SLC22A25: variants seen among roughly 807,000 people sequenced by gnomAD.
SLC22A25 encodes the protein solute carrier family 22 member 25.
A neutral mutation model predicts 45.9 loss-of-function variants in SLC22A25; 44 were observed. The observed-to-expected ratio is 0.96, with a 90% CI of 0.75 to 1.23. The LOEUF (loss-of-function observed/expected upper bound fraction) is 1.23. Ranked by LOEUF, SLC22A25 falls within the 50% of genes most tolerant of loss-of-function variation. SLC22A25 has a pLI of 0.00. For missense variants in SLC22A25, 800 were observed against 666.4 expected, an observed-to-expected ratio of 1.20 and a Z score of -2.21; for synonymous variants, 283 against 238.6, an observed-to-expected ratio of 1.19 and a Z score of -1.72.
intron 5 of SLC22A25, among the ~76,000 whole-genome samples, chr11:63,221,232 T>C (rs185246312): frequency 1.8e-4 from 27 of 152,252 alleles, no homozygotes; most frequent in Admixed American, 7.9e-4. Context: ...TACTAAGTTA[T>C]ATTCCCACCA....
At chr11:63,171,569 G>T (rs1565064756) in intron 9 of SLC22A25, among the ~76,000 whole-genome samples, 1 of 152,116 alleles carries the variant, frequency 6.6e-6, no homozygotes, top group African/African-American at 2.4e-5. Flanking sequence ...TTGCTACAAA[G>T]AAAATAAAAT....
intron 7 of SLC22A25, among the ~76,000 whole-genome samples, chr11:63,205,066 G>A (rs1424402049): frequency 6.6e-6 from 1 of 152,140 alleles, no homozygotes; most frequent in Middle Eastern, 3.2e-3. Flanking sequence ...TGACTATTGG[G>A]TAAATAACAA....
intron 5 of SLC22A25, among the ~76,000 whole-genome samples, chr11:63,227,058 G>C (rs183112487): frequency 1.3e-5 from 2 of 152,256 alleles, no homozygotes; most frequent in Non-Finnish European, 2.9e-5. Context: ...ATCTGGCCCA[G>C]AGTAGGTCTA....
At chr11:63,169,828 C>A (rs1029572912) in intron 9 of SLC22A25, among the ~76,000 whole-genome samples, 3 of 152,178 alleles carry the variant, frequency 2.0e-5, no homozygotes, top group Admixed American at 1.3e-4. Context: ...TAGACATCTA[C>A]AGAACTCTCT....
In SLC22A25 at chr11:63,198,473, G is replaced by A. The variant is rs181033593; in HGVS notation, c.831-14656C>T. ...CTCTGAGCAAACTGTTACAAGGACA[G>A]AAAACCAAACACCACATGGTCTCAC... On this transcript the variant is annotated intron_variant, in intron 7 of 11. Coordinates refer to ENST00000306494, the MANE Select transcript of SLC22A25 (RefSeq NM_199352.6). Among the ~76,000 whole-genome samples the A allele has an allele frequency of 7.2e-3, 1,097 of 152,258 alleles. 9 individuals are homozygous for A. Among genetic ancestry groups the A allele is most frequent in the African/African-American group, 0.024 (1,007 of 41,558 alleles).
chr11:63,221,923 G>A (rs1295299669), intron 5 of SLC22A25, among the ~76,000 whole-genome samples: 1 of 152,016 alleles, frequency 6.6e-6, no homozygotes, highest in African/African-American at 2.4e-5. Flanking sequence ...CACCTTTGTT[G>A]ATGATGAGTT....
Position 63,166,271 on chromosome 11 carries a change from C to T in SLC22A25, c.1071-13G>A. 1 of 1,612,836 alleles carries T rather than the reference C, an allele frequency of 6.2e-7. No homozygotes were observed. Among genetic ancestry groups the T allele is most frequent in the Non-Finnish European group, 8.5e-7 (1 of 1,179,560 alleles). On this transcript the variant is annotated splice_polypyrimidine_tract_variant and intron_variant, in intron 9 of 11. Coordinates refer to ENST00000306494, the MANE Select transcript of SLC22A25 (RefSeq NM_199352.6). ...GGTACTTGCAAATCTGCAGGGAACA[C>T]AGAAAAAGGCACATATTATAATCTG...
intron 9 of SLC22A25, among the ~76,000 whole-genome samples, chr11:63,168,965 A>C (rs2087781716): frequency 6.6e-6 from 1 of 152,196 alleles, no homozygotes; most frequent in African/African-American, 2.4e-5. Flanking sequence ...CTAACAGTGG[A>C]TCTCTCTGCA....
At chr11:63,187,039 G>T (rs1246411158) in intron 7 of SLC22A25, among the ~76,000 whole-genome samples, 1 of 152,024 alleles carries the variant, frequency 6.6e-6, no homozygotes, top group African/African-American at 2.4e-5. Flanking sequence ...CTCTTTTTTG[G>T]TTCCATATGA....
At chr11:63,201,078 C>T (rs916368849) in intron 7 of SLC22A25, among the ~76,000 whole-genome samples, 1 of 152,032 alleles carries the variant, frequency 6.6e-6, no homozygotes, top group Admixed American at 6.6e-5. Flanking sequence ...CCATACTGCC[C>T]AAAGCAATTT....
intron 5 of SLC22A25, among the ~76,000 whole-genome samples, chr11:63,223,429 C>G (rs151291947): frequency 5.3e-5 from 8 of 152,100 alleles, no homozygotes; most frequent in Admixed American, 1.3e-4. Context: ...TAATAGTAGC[C>G]TCTAATGACC....
chr11:63,165,301 T>C (rs1224227442), intron 10 of SLC22A25, among the ~76,000 whole-genome samples: 1 of 129,482 alleles, frequency 7.7e-6, no homozygotes, highest in Non-Finnish European at 1.7e-5. Context: ...TGCACCAGAC[T>C]GGTATCACTG....
At chr11:63,207,423 GA>G (rs1365204149) in intron 7 of SLC22A25, among the ~76,000 whole-genome samples, 1 of 151,894 alleles carries the variant, frequency 6.6e-6, no homozygotes, top group Non-Finnish European at 1.5e-5. Context: ...AAATTTACAA[GA>G]AAAAAATACT....
intron 3 of SLC22A25, among the ~76,000 whole-genome samples, chr11:63,232,566 A>G (rs1440981688): frequency 1.3e-5 from 2 of 152,214 alleles, no homozygotes; most frequent in African/African-American, 4.8e-5. Flanking sequence ...ATATACAATC[A>G]TGTCATCTGC....
At chr11:63,198,819 G>C (rs2089144851) in intron 7 of SLC22A25, among the ~76,000 whole-genome samples, 1 of 152,124 alleles carries the variant, frequency 6.6e-6, no homozygotes, top group South Asian at 2.1e-4. Flanking sequence ...GATAAGTAAG[G>C]AAATTATGGC....
intron 7 of SLC22A25, among the ~76,000 whole-genome samples, chr11:63,214,949 T>A (rs577897851): frequency 9.2e-5 from 14 of 152,262 alleles, no homozygotes; most frequent in African/African-American, 3.4e-4. Flanking sequence ...CTGGAGAGGA[T>A]GTGGACAAAT....
intron 9 of SLC22A25, among the ~76,000 whole-genome samples, chr11:63,174,754 G>A (rs900689807): frequency 3.3e-5 from 5 of 152,186 alleles, no homozygotes; most frequent in Non-Finnish European, 5.9e-5. Flanking sequence ...AGCATCTTGC[G>A]TAACTGACAC....
Position 63,229,763 on chromosome 11 carries a change from G to T in SLC22A25, c.-111C>A. 8.9e-7 allele frequency: 1 copy of T among 1,122,744 alleles called. No homozygotes were observed. Among genetic ancestry groups the T allele is most frequent in the Non-Finnish European group, 1.2e-6 (1 of 824,036 alleles). The allele number at this position is 1,122,744 out of a possible 1,614,324, so 69.5% of individuals were successfully genotyped here. A position where few individuals can be genotyped will look rare whatever the true frequency, so the allele number is the denominator to read the frequency against. On this transcript the variant is annotated 5_prime_UTR_variant, in exon 4 of 12. Transcript: ENST00000306494. ...CACACTAAGTGTGTGTGTTGATCCTGACCCCACTCTCTTCTTAATGGGCCC... is the reference window on the plus strand; with the variant it reads ...CACACTAAGTGTGTGTGTTGATCCTTACCCCACTCTCTTCTTAATGGGCCC...
At chr11:63,178,914 A>G (rs10897382) in intron 9 of SLC22A25, among the ~76,000 whole-genome samples, 60,156 of 151,662 alleles carry the variant, frequency 0.4, 12,120 homozygotes, top group East Asian at 0.56. Flanking sequence ...GGATTTCCTC[A>G]ATGCTTTCTT....
Sources: allele counts gnomAD v4.1 joint callset (sites outside exome capture counted in the v4.1 genomes callset), GRCh38; gene constraint gnomAD v4.1.1; transcripts MANE v1.5; gene names NCBI Gene and HGNC (gene_info 2026-07-23, HGNC 2026-07-21).